Variants in SLC35D4 observed in about 807,000 individuals in gnomAD.
SLC35D4 encodes solute carrier family 35 member D4, also known as UDP-N-acetylglucosamine transporter SLC35D4.
the SLC35D4 span, among the ~76,000 whole-genome samples, chr18:23,294,033 T>G: frequency 6.6e-6 from 1 of 152,024 alleles, no homozygotes; most frequent in Non-Finnish European, 1.5e-5. Flanking sequence ...CTGGGTTCAA[T>G]CAATCCTCCC....
the SLC35D4 span, among the ~76,000 whole-genome samples, chr18:23,245,203 GT>G: frequency 6.6e-6 from 1 of 152,144 alleles, no homozygotes; most frequent in Non-Finnish European, 1.5e-5. Flanking sequence ...TCAAGACTTT[GT>G]TTTTGTACAA....
At chr18:23,421,712 C>A in the SLC35D4 span, among the ~76,000 whole-genome samples, 2 of 147,578 alleles carry the variant, frequency 1.4e-5, no homozygotes, top group African/African-American at 5.0e-5. Flanking sequence ...AGTTTCGCTC[C>A]GTCGCCCAGG....
chr18:23,264,554 G>T, the SLC35D4 span, among the ~76,000 whole-genome samples: 1 of 151,926 alleles, frequency 6.6e-6, no homozygotes, highest in African/African-American at 2.4e-5. Context: ...GTAGAGACAG[G>T]GTTTCACTAT....
chr18:23,347,731 C>A, the SLC35D4 span, among the ~76,000 whole-genome samples: 1 of 152,160 alleles, frequency 6.6e-6, no homozygotes, highest in Non-Finnish European at 1.5e-5. Context: ...GGCCTCTTTT[C>A]TCTTATTTTC....
At chr18:23,369,242 C>T in the SLC35D4 span, among the ~76,000 whole-genome samples, 1 of 152,180 alleles carries the variant, frequency 6.6e-6, no homozygotes, top group Non-Finnish European at 1.5e-5. Flanking sequence ...AAAAGGTGCT[C>T]CAGGGAGTGG....
the SLC35D4 span, among the ~76,000 whole-genome samples, chr18:23,298,490 T>C: frequency 2.0e-5 from 3 of 152,218 alleles, no homozygotes; most frequent in Admixed American, 2.0e-4. Flanking sequence ...GGTGACAATC[T>C]CAGTTTTCAT....
chr18:23,273,409 G>A, the SLC35D4 span, among the ~76,000 whole-genome samples: 1 of 152,248 alleles, frequency 6.6e-6, no homozygotes, highest in African/African-American at 2.4e-5. Context: ...TTTGAAGCAA[G>A]AGGGGAGGCC....
At chr18:23,349,132 G>T in the SLC35D4 span, among the ~76,000 whole-genome samples, 1 of 152,124 alleles carries the variant, frequency 6.6e-6, no homozygotes, top group Non-Finnish European at 1.5e-5. Flanking sequence ...TGATTATAAT[G>T]TGTCTAGATC....
At chr18:23,370,314 G>C in the SLC35D4 span, 1 of 1,585,764 alleles carries the variant, frequency 6.3e-7, no homozygotes, top group African/African-American at 1.4e-5. Flanking sequence ...TCAAGGAGCT[G>C]CTGGCCTGTC....
At chr18:23,358,236 G>A in the SLC35D4 span, among the ~76,000 whole-genome samples, 1 of 152,196 alleles carries the variant, frequency 6.6e-6, no homozygotes, top group Non-Finnish European at 1.5e-5. Context: ...ATGTGATAAT[G>A]AGGAACGGCG....
the SLC35D4 span, among the ~76,000 whole-genome samples, chr18:23,261,113 G>C: frequency 6.6e-6 from 1 of 152,184 alleles, no homozygotes; most frequent in Non-Finnish European, 1.5e-5. Context: ...CGAGTACTGT[G>C]CTTCCTCACA....
At chr18:23,408,640 A>G in the SLC35D4 span, among the ~76,000 whole-genome samples, 4 of 152,194 alleles carry the variant, frequency 2.6e-5, no homozygotes, top group Admixed American at 2.6e-4. Flanking sequence ...CCTAATGGGG[A>G]ATCTAACAAT....
At chr18:23,270,920 T>TAAGACTTTGGAAAACTGTTGGG in the SLC35D4 span, among the ~76,000 whole-genome samples, 1 of 152,360 alleles carries the variant, frequency 6.6e-6, no homozygotes, top group South Asian at 2.1e-4. Flanking sequence ...TGAAATGCCT[T>TAAGACTTTGGAAAACTGTTGGG]AAGACTTTGG....
At chr18:23,421,324 C>T in the SLC35D4 span, 1 of 1,496,148 alleles carries the variant, frequency 6.7e-7, no homozygotes, top group Admixed American at 1.7e-5. Context: ...CAAAAGCAAG[C>T]AGAGTGTGAA....
chr18:23,329,769 C>T, the SLC35D4 span, among the ~76,000 whole-genome samples: 1 of 152,170 alleles, frequency 6.6e-6, no homozygotes, highest in South Asian at 2.1e-4. Context: ...ATGTTTATTG[C>T]AGCACTATTC....
At chr18:23,346,967 T>C in the SLC35D4 span, among the ~76,000 whole-genome samples, 1 of 152,238 alleles carries the variant, frequency 6.6e-6, no homozygotes, top group Non-Finnish European at 1.5e-5. Flanking sequence ...TGAGGAATAT[T>C]GGTAATTTTC....
chr18:23,411,551 A>AAGAAAGGT, the SLC35D4 span, among the ~76,000 whole-genome samples: 4 of 149,908 alleles, frequency 2.7e-5, no homozygotes, highest in Non-Finnish European at 5.9e-5. Flanking sequence ...GAAAGAAAGA[A>AAGAAAGGT]AGGTGTGTGC....
the SLC35D4 span, chr18:23,371,325 G>T: frequency 1.0e-6 from 1 of 982,180 alleles, no homozygotes; most frequent in Non-Finnish European, 1.4e-6. Flanking sequence ...CCATTCCTGG[G>T]CCCAAGGGAT....
the SLC35D4 span, among the ~76,000 whole-genome samples, chr18:23,311,104 C>CTT: frequency 7.0e-5 from 10 of 142,344 alleles, no homozygotes; most frequent in African/African-American, 1.8e-4. Flanking sequence ...TTTCTCTTCC[C>CTT]TTTTTTTTTT....
Sources: gnomAD v4.1 joint callset for allele counts (sites outside exome capture counted in the v4.1 genomes callset) on GRCh38, gnomAD v4.1.1 for gene constraint, MANE v1.5 for transcripts, NCBI Gene and HGNC (gene_info 2026-07-23, HGNC 2026-07-21) for gene names.